RAB40B: variants seen among roughly 807,000 people sequenced by gnomAD.
The protein encoded by RAB40B is ras-related protein Rab-40B.
A neutral mutation model predicts 24.0 loss-of-function variants in RAB40B; 21 were observed. The observed-to-expected ratio is 0.88, with a 90% CI of 0.62 to 1.26. The LOEUF is 1.26. RAB40B is among the 50% of genes most tolerant of loss of function. The pLI, the probability that RAB40B is intolerant of heterozygous loss-of-function variation, is 0.00. For synonymous variants in RAB40B, 167 were observed against 169.8 expected (o/e 0.98, Z 0.13); for missense variants, 348 against 390.5 (o/e 0.89, Z 0.92).
At chr17:82,691,842 C>T (rs914695851) in intron 1 of RAB40B, among the ~76,000 whole-genome samples, 3 of 152,182 alleles carry the variant, frequency 2.0e-5, no homozygotes, top group African/African-American at 7.2e-5. Context: ...TCCTTCTACC[C>T]CTGCCTGGAG....
At chr17:82,666,044 A>ACACCTGCCACCGCACCTGCCACCG (rs1432979755) in intron 1 of RAB40B, among the ~76,000 whole-genome samples, 1 of 97,126 alleles carries the variant, frequency 1.0e-5, no homozygotes, top group Admixed American at 1.2e-4. Context: ...ACCTGCCACC[A>ACACCTGCCACCGCACCTGCCACCG]CACCTGCCAC....
At chr17:82,662,101 C>A (rs1234509093) in intron 2 of RAB40B, 1 of 985,368 alleles carries the variant, frequency 1.0e-6, no homozygotes, top group African/African-American at 1.7e-5. Flanking sequence ...AGCGGTGGGA[C>A]GCGGCATGGT....
rs374345452 is a variant in RAB40B, at chr17:82,664,541, G to A, written c.158C>T (p.Thr53Met). Residue 53 changes from threonine to methionine, a missense_variant, in exon 2 of 6, where the codon ACG becomes ATG. Thr to Met is a moderately conservative substitution (Grantham distance 81). This residue lies in a region of RAB40B where 101 missense variants were observed against 85.5 expected (regional missense o/e 1.18). Coordinates refer to ENST00000571995, the MANE Select transcript of RAB40B (RefSeq NM_006822.3). ...CCGCCCGTCCAGCAGGATGGTGGTC[G>A]TCTTGTAGTCGATGCCTGCGGAAGG... The part of the protein sequence containing the change: ...YGHPAGIDYK[T>M]TTILLDGRRV... 8.6e-5 allele frequency: 139 copies of A among 1,613,520 alleles called. No homozygotes were observed. Among genetic ancestry groups the A allele is most frequent in the Non-Finnish European group, 1.1e-4 (134 of 1,179,636 alleles).
intron 1 of RAB40B, among the ~76,000 whole-genome samples, chr17:82,677,093 C>T (rs1318810795): frequency 3.9e-5 from 6 of 151,920 alleles, no homozygotes; most frequent in East Asian, 3.9e-4. Flanking sequence ...GGATTACAGG[C>T]GCCCGCCACC....
chr17:82,660,885 G>T, intron 3 of RAB40B, 102 bp downstream of exon 3: 2 of 1,428,624 alleles, frequency 1.4e-6, no homozygotes, highest in Non-Finnish European at 1.9e-6. Flanking sequence ...AAGCTTAACC[G>T]CCTTGTCCTC....
chr17:82,690,307 G>A (rs1226342811), intron 1 of RAB40B, among the ~76,000 whole-genome samples: 4 of 151,434 alleles, frequency 2.6e-5, no homozygotes, highest in Non-Finnish European at 5.9e-5. Flanking sequence ...GAATTGGAGG[G>A]AGACGGAGTG....
At chr17:82,671,797 C>T (rs1263475414) in intron 1 of RAB40B, among the ~76,000 whole-genome samples, 1 of 26,414 alleles carries the variant, frequency 3.8e-5, no homozygotes, top group East Asian at 1.8e-3. Flanking sequence ...CACCCCGTAA[C>T]TCTAACACAC....
intron 1 of RAB40B, 130 bp from the exon 2 acceptor site, chr17:82,664,686 C>G: frequency 1.2e-6 from 1 of 858,810 alleles, no homozygotes; most frequent in African/African-American, 1.7e-5. Context: ...CGGATGGGAC[C>G]CCCTCCCTGT....
rs1598296439 is a variant in RAB40B, at chr17:82,663,231, A to C, written c.203+1265T>G. ...GACAGGCTCCCCAGGACTGGCCACT[A>C]CTAGACGGGGCAGGCGTAGGAAGGG... On this transcript the variant is annotated intron_variant, in intron 2 of 5. Transcript: ENST00000571995. This position sits in a 1 kb window ranked among gnomAD's most constrained non-coding sequence, Gnocchi z 6.2. Among the ~76,000 whole-genome samples the C allele has an allele frequency of 2.6e-5, 4 of 151,636 alleles. No individual in the cohort carries two copies. In the South Asian group the frequency reaches 8.3e-4, roughly 32 times the overall value.
intron 2 of RAB40B, chr17:82,662,179 G>T: frequency 1.0e-6 from 1 of 985,476 alleles, no homozygotes; most frequent in Non-Finnish European, 1.2e-6. Flanking sequence ...AGGGCCTGGG[G>T]CTCCAGAGGG....
At chr17:82,672,045 C>T (rs111218941) in intron 1 of RAB40B, among the ~76,000 whole-genome samples, 86 of 3,732 alleles carry the variant, frequency 0.023, 12 homozygotes, top group African/African-American at 0.023. Flanking sequence ...CTGACACACC[C>T]CACCCCTGTA....
Position 82,658,496 on chromosome 17 carries a change from C to T in RAB40B, c.560G>A (p.Ser187Asn), listed in dbSNP as rs776118016. The stretch of plus-strand genomic sequence containing the variant: ...GGAATAGCCCCTGGGCCTACCCTTG[C>T]TCGGCCGCCAGAGCCGGTCCATCCC... ...RHGMDRLWRP[S>N]KVLSLQDLCC... The change falls in exon 5 of 6, where the codon AGC becomes AAC. Residue 187 changes from serine to asparagine, a missense_variant. This residue lies in a region of RAB40B where 121 missense variants were observed against 124.0 expected (regional missense o/e 0.98). Coordinates refer to ENST00000571995, the MANE Select transcript of RAB40B (RefSeq NM_006822.3). The T allele has an allele frequency of 6.2e-7, 1 of 1,611,790 alleles. No homozygotes were observed. The highest frequency in any genetic ancestry group is 8.5e-7 in the Non-Finnish European group (1 of 1,179,816).
intron 1 of RAB40B, among the ~76,000 whole-genome samples, chr17:82,669,496 T>TA (rs1242526912): frequency 6.6e-6 from 1 of 150,990 alleles, no homozygotes; most frequent in Non-Finnish European, 1.5e-5. Context: ...AAATAAAAAA[T>TA]AAAAAAATTG....
At position 82,655,592 on chromosome 17, in the gene RAB40B, G is replaced by C. The variant is rs769789553; in HGVS notation, c.*2271C>G. 1 of 152,270 alleles carries C rather than the reference G, an allele frequency of 6.6e-6. No individual in the cohort carries two copies. The highest frequency in any genetic ancestry group is 1.5e-5 in the Non-Finnish European group (1 of 68,062). The allele number at this position is 152,270 out of a possible 1,614,324, so 9.4% of individuals were successfully genotyped here. On this transcript the variant is annotated 3_prime_UTR_variant, in exon 6 of 6. Coordinates refer to ENST00000571995, the MANE Select transcript of RAB40B (RefSeq NM_006822.3). ...GCCCCTCAACGTGGGTTTCTTCAAC[G>C]TGGACTCTCCTTTCTGTGCATCTCA... is the stretch of plus-strand genomic sequence containing the variant.
chr17:82,679,502 C>T (rs538601727), intron 1 of RAB40B, among the ~76,000 whole-genome samples: 161 of 152,172 alleles, frequency 1.1e-3, no homozygotes, highest in Non-Finnish European at 1.1e-3. Flanking sequence ...AGGATGGTCT[C>T]GATCTCCTGA....
intron 1 of RAB40B, among the ~76,000 whole-genome samples, chr17:82,687,097 C>A (rs1439603066): frequency 1.3e-5 from 2 of 151,800 alleles, no homozygotes; most frequent in African/African-American, 2.4e-5. Flanking sequence ...CCCGATGATG[C>A]CCAGATCTGA....
At chr17:82,671,798 TCTAA>T (rs1186436914) in intron 1 of RAB40B, among the ~76,000 whole-genome samples, 3 of 22,208 alleles carry the variant, frequency 1.4e-4, no homozygotes, top group South Asian at 5.0e-3. Context: ...ACCCCGTAAC[TCTAA>T]CACACACACT....
intron 1 of RAB40B, among the ~76,000 whole-genome samples, chr17:82,670,819 T>G (rs1289552462): frequency 6.6e-6 from 1 of 151,870 alleles, no homozygotes; most frequent in Non-Finnish European, 1.5e-5. Context: ...AGGTGTGAGG[T>G]ACCGCGCCCG....
chr17:82,661,228 T>C, intron 2 of RAB40B, 181 bp from the exon 3 acceptor site: 2 of 1,378,546 alleles, frequency 1.5e-6, no homozygotes, highest in African/African-American at 2.9e-5. Flanking sequence ...TGTTGGGATG[T>C]CCTCCCAGGC....
Sources: allele counts gnomAD v4.1 joint callset (sites outside exome capture counted in the v4.1 genomes callset), GRCh38; gene constraint gnomAD v4.1.1; regional missense constraint gnomAD v4.1.1; non-coding constraint Gnocchi (gnomAD v3.1); transcripts MANE v1.5; gene names NCBI Gene and HGNC (gene_info 2026-07-23, HGNC 2026-07-21).